Variants in MDFI observed in about 807,000 individuals in gnomAD.
MDFI encodes the protein MyoD family inhibitor, also known as inhibitor of MyoD family a.
Under a neutral mutation model 22.3 loss-of-function variants are expected in MDFI, and 16 were observed. That is an observed-to-expected ratio of 0.72 (90% CI 0.49 to 1.09). The LOEUF is 1.09. Ranked by LOEUF, MDFI falls within the 50% of genes least tolerant of loss-of-function variation. The pLI is 0.00. For synonymous variants in MDFI, 145 were observed against 142.7 expected (o/e 1.02, Z -0.12); for missense variants, 314 against 326.1 (o/e 0.96, Z 0.29).
intron 2 of MDFI, among the ~76,000 whole-genome samples, chr6:41,642,675 C>T (rs1370924592): frequency 1.3e-5 from 2 of 152,168 alleles, no homozygotes; most frequent in Non-Finnish European, 2.9e-5. Context: ...TGTGGCCCCT[C>T]CTGGCTCCAG....
chr6:41,653,242 C>A lies in MDFI; in HGVS notation c.485-77C>A. The A allele has an allele frequency of 6.7e-7, 1 of 1,500,996 alleles. No homozygotes were observed. The allele number at this position is 1,500,996 out of a possible 1,614,324, so 93.0% of individuals were successfully genotyped here. ...CCTGCTGCTGCCGCTGCCGCAGGCC[C>A]CCACACCCCCGGCTATTTCACACAC... On this transcript the variant is annotated intron_variant, in intron 4 of 4. Coordinates refer to ENST00000230321, the MANE Select transcript of MDFI (RefSeq NM_005586.4). The surrounding 1 kb of genome is among the most constrained non-coding windows in gnomAD (Gnocchi z 4.2).
intron 2 of MDFI, among the ~76,000 whole-genome samples, chr6:41,645,838 C>T (rs1227535598): frequency 6.6e-6 from 1 of 152,226 alleles, no homozygotes; most frequent in Non-Finnish European, 1.5e-5. Flanking sequence ...TCTGCCTCCT[C>T]TCCCTACTTC....
chr6:41,640,327 T>C (rs1479740349), intron 2 of MDFI, among the ~76,000 whole-genome samples: 2 of 152,136 alleles, frequency 1.3e-5, no homozygotes, highest in Non-Finnish European at 2.9e-5. Flanking sequence ...CAAGATCCCC[T>C]TCCTTGTTGA....
chr6:41,653,586 G>A lies in MDFI; in HGVS notation c.*11G>A. On this transcript the variant is annotated 3_prime_UTR_variant, in exon 5 of 5. Coordinates refer to ENST00000230321, the MANE Select transcript of MDFI (RefSeq NM_005586.4). This position sits in a 1 kb window ranked among gnomAD's most constrained non-coding sequence, Gnocchi z 4.2. Reference sequence around the variant, plus strand: ...TGCTTCTCCTCCTGAGCCTCTGTCGGGGGCTAAGCCAGCCTGGCGCCCCTG... The same window carrying A: ...TGCTTCTCCTCCTGAGCCTCTGTCGAGGGCTAAGCCAGCCTGGCGCCCCTG... 1.3e-6 allele frequency: 2 copies of A among 1,599,120 alleles called. No homozygotes were observed. Among genetic ancestry groups the A allele is most frequent in the East Asian group, 2.2e-5 (1 of 44,860 alleles).
chr6:41,639,821 A>G (rs1767781765), intron 2 of MDFI: 1 of 985,298 alleles, frequency 1.0e-6, no homozygotes, highest in Middle Eastern at 5.2e-4. Context: ...CTTGCCTTGG[A>G]CAAGCTCCTT....
chr6:41,652,057 G>A (rs1026890408), intron 4 of MDFI, among the ~76,000 whole-genome samples: 4 of 152,336 alleles, frequency 2.6e-5, no homozygotes, highest in East Asian at 1.9e-4. Flanking sequence ...AGTGGGAGGC[G>A]ATGTCCTCTG....
At chr6:41,649,365 G>T (rs372788688) in intron 3 of MDFI, among the ~76,000 whole-genome samples, 2 of 152,236 alleles carry the variant, frequency 1.3e-5, no homozygotes, top group African/African-American at 4.8e-5. Context: ...CCGAGCCCCT[G>T]CCCTTATACA....
intron 2 of MDFI, chr6:41,639,351 T>C (rs1767763800): frequency 1.0e-6 from 1 of 984,980 alleles, no homozygotes; most frequent in Non-Finnish European, 1.2e-6. Flanking sequence ...TCCTTCCCTC[T>C]CGTGCCGGCC....
rs141575722 is a variant in MDFI at position 41,653,455 on chromosome 6, C to T, written c.621C>T (p.Gly207=). 49 of 1,605,014 alleles carry T rather than the reference C, an allele frequency of 3.1e-5. 1 individual carries two copies. In the African/African-American group the frequency reaches 3.2e-4, roughly 10 times the overall value. The part of the protein sequence containing the change: ...SCLCCCCCGS[G]ECADCDLPCD... Reference sequence around the variant, plus strand: ...TCTGCTGCTGCTGCTGTGGCTCTGGCGAGTGTGCCGACTGCGACCTGCCCT... The same window carrying T: ...TCTGCTGCTGCTGCTGTGGCTCTGGTGAGTGTGCCGACTGCGACCTGCCCT... Residue 207 remains glycine (G), a synonymous_variant, in exon 5 of 5, where the codon GGC becomes GGT. Transcript: ENST00000230321. This position sits in a 1 kb window ranked among gnomAD's most constrained non-coding sequence, Gnocchi z 4.2.
intron 2 of MDFI, chr6:41,639,736 C>T: frequency 1.0e-6 from 1 of 985,452 alleles, no homozygotes; most frequent in Non-Finnish European, 1.2e-6. Flanking sequence ...TCCCCACCAG[C>T]GCCATTCCCC....
Position 41,649,817 on chromosome 6 carries a change from C to T in MDFI, c.458C>T (p.Ser153Phe). The T allele has an allele frequency of 6.2e-7, 1 of 1,613,936 alleles. No individual in the cohort carries two copies. The highest frequency in any genetic ancestry group is 8.5e-7 in the Non-Finnish European group (1 of 1,179,964). ...AAGAGCAGCAGCAAATCCACCACCT[C>T]CCAGATCCCCCTCCAGGCACAGGAA... ...KSKSSSKSTT[S>F]QIPLQAQEDC... Residue 153 changes from serine (S) to phenylalanine (F), a missense_variant, in exon 4 of 5, where the codon TCC (serine) becomes TTC (phenylalanine). Coordinates refer to ENST00000230321, the MANE Select transcript of MDFI (RefSeq NM_005586.4).
intron 4 of MDFI, 191 bp downstream of exon 4, chr6:41,650,034 G>A (rs1050153491): frequency 6.7e-6 from 4 of 598,628 alleles, no homozygotes; most frequent in Non-Finnish European, 1.2e-5. Flanking sequence ...CCTGACGCAT[G>A]ACCAAATCTT....
chr6:41,652,507 A>C (rs1249160404), intron 4 of MDFI, among the ~76,000 whole-genome samples: 1 of 151,832 alleles, frequency 6.6e-6, no homozygotes, highest in Non-Finnish European at 1.5e-5. Flanking sequence ...GCCAGGTGGC[A>C]GTGGTCAAAG....
In MDFI at chr6:41,638,816, C is replaced by T. The variant is rs758208857; in HGVS notation, c.67C>T (p.Pro23Ser). The T allele has an allele frequency of 1.3e-6, 2 of 1,558,612 alleles. No individual in the cohort carries two copies. Among genetic ancestry groups the T allele is most frequent in the Admixed American group, 1.9e-5 (1 of 53,078 alleles). The change falls in exon 2 of 5, where the codon CCG becomes TCG. Residue 23 changes from proline (P) to serine (S), a missense_variant. Physicochemically the swap from Pro to Ser is moderately conservative, Grantham distance 74. Transcript: ENST00000230321. This position sits in a 1 kb window ranked among gnomAD's most constrained non-coding sequence, Gnocchi z 7.6. ...DAPYGAPSAA[P>S]GPAQTLSLLP... The stretch of plus-strand genomic sequence containing the variant: ...GCCCTATGGAGCCCCCAGCGCAGCC[C>T]CGGGCCCAGGTAGGACCGGGAGTGG...
intron 4 of MDFI, among the ~76,000 whole-genome samples, chr6:41,652,766 G>A (rs796493545): frequency 2.0e-5 from 3 of 152,172 alleles, no homozygotes; most frequent in East Asian, 1.9e-4. Flanking sequence ...ATAGGCGTGT[G>A]CCACCACGCC....
At chr6:41,640,013 G>A (rs1264312601) in intron 2 of MDFI, 1 of 837,956 alleles carries the variant, frequency 1.2e-6, no homozygotes, top group Non-Finnish European at 1.4e-6. Context: ...CATAGATGAG[G>A]CCAGTGTGTC....
chr6:41,637,226 G>A (rs1467768723), upstream of MDFI: 1 of 152,114 alleles, frequency 6.6e-6, no homozygotes, highest in Non-Finnish European at 1.5e-5. The surrounding 1 kb of genome is among the most constrained non-coding windows in gnomAD (Gnocchi z 6.8). Flanking sequence ...GCGCCGTGGG[G>A]GCCATCCCGG....
At position 41,653,406 on chromosome 6, in the gene MDFI, C is replaced by T. The variant is rs1248418083; in HGVS notation, c.572C>T (p.Ser191Phe). 1 of 1,610,294 alleles carries T rather than the reference C, an allele frequency of 6.2e-7. No homozygotes were observed. The highest frequency in any genetic ancestry group is 8.5e-7 in the Non-Finnish European group (1 of 1,179,996). ...GTCCTGGACTGCGCCACCTGTGGCT[C>T]CTGCAGCTCGGAGGACTCGTGCCTC... ...NIVLDCATCG[S>F]CSSEDSCLCC... Residue 191 changes from serine (S) to phenylalanine (F), a missense_variant, in exon 5 of 5, where the codon TCC becomes TTC. Transcript: ENST00000230321. The surrounding 1 kb of genome is among the most constrained non-coding windows in gnomAD (Gnocchi z 4.2).
At chr6:41,639,889 T>C (rs1180518264) in intron 2 of MDFI, 3 of 985,292 alleles carry the variant, frequency 3.0e-6, no homozygotes, top group African/African-American at 3.5e-5. Flanking sequence ...CTGCCTGTTC[T>C]AGGAGGCCCC....
Sources: gnomAD v4.1 joint callset for allele counts (sites outside exome capture counted in the v4.1 genomes callset) on GRCh38, gnomAD v4.1.1 for gene constraint, Gnocchi (gnomAD v3.1) non-coding constraint, MANE v1.5 for transcripts, NCBI Gene and HGNC (gene_info 2026-07-23, HGNC 2026-07-21) for gene names.